The following PEX5L variants were observed in gnomAD, a reference collection of about 807,000 sequenced individuals.
PEX5L encodes peroxisomal biogenesis factor 5 like.
Under a neutral mutation model 84.0 loss-of-function variants are expected in PEX5L, and 30 were observed. The observed-to-expected ratio is 0.36, with a 90% CI of 0.27 to 0.48. The LOEUF is 0.48. Among genes scored for constraint, PEX5L ranks in the 20% least tolerant of loss-of-function variants. The pLI is 0.99. For missense variants in PEX5L, 533 were observed against 754.6 expected, an observed-to-expected ratio of 0.71 and a Z score of 3.44; for synonymous variants, 270 against 283.1, an observed-to-expected ratio of 0.95 and a Z score of 0.46.
intron 4 of PEX5L, among the ~76,000 whole-genome samples, chr3:179,883,525 T>C (rs1754808716): frequency 6.6e-6 from 1 of 152,262 alleles, no homozygotes; most frequent in Non-Finnish European, 1.5e-5. Context: ...GGCTCATGCC[T>C]GTAATCCCAG....
intron 8 of PEX5L, among the ~76,000 whole-genome samples, chr3:179,821,565 C>T (rs1728535680): frequency 6.6e-6 from 1 of 152,174 alleles, no homozygotes; most frequent in Admixed American, 6.5e-5. Flanking sequence ...CTTGCTCTTG[C>T]TTTATTATGT....
intron 2 of PEX5L, among the ~76,000 whole-genome samples, chr3:179,964,428 A>G (rs1014356525): frequency 6.6e-6 from 1 of 152,220 alleles, no homozygotes; most frequent in South Asian, 2.1e-4. Context: ...CGATTGCAAC[A>G]AAAACAAAAG....
At chr3:180,011,762 T>G (rs545178985) in intron 1 of PEX5L, among the ~76,000 whole-genome samples, 168 of 152,300 alleles carry the variant, frequency 1.1e-3, no homozygotes, top group Middle Eastern at 3.4e-3. Flanking sequence ...CTTTCATCCC[T>G]TCCTCCTGCT....
rs1312351818 is a variant in PEX5L at position 179,796,811 on chromosome 3, G to T, written c.*5017C>A. 1 of 152,104 alleles carries T rather than the reference G, an allele frequency of 6.6e-6. No homozygotes were observed. Among genetic ancestry groups the T allele is most frequent in the Non-Finnish European group, 1.5e-5 (1 of 68,018 alleles). 9.4% of individuals were successfully genotyped at this position (152,104 alleles called of 1,614,324 possible). ...CACTCCCTAAATATCAGTGTTTTTA[G>T]ACCTGTTGATCAAGTCCAGTTTCTC... On this transcript the variant is annotated 3_prime_UTR_variant, in exon 15 of 15. Transcript: ENST00000467460.
intron 2 of PEX5L, among the ~76,000 whole-genome samples, chr3:179,912,514 G>A (rs1765535173): frequency 6.6e-6 from 1 of 152,000 alleles, no homozygotes; most frequent in Non-Finnish European, 1.5e-5. Flanking sequence ...TCTTACATAA[G>A]CATATGCTAT....
chr3:179,876,041 A>C (rs1752280088), intron 5 of PEX5L, among the ~76,000 whole-genome samples: 1 of 152,198 alleles, frequency 6.6e-6, no homozygotes, highest in South Asian at 2.1e-4. Context: ...GGGGAGAGAG[A>C]GAAAGGAGGC....
intron 2 of PEX5L, among the ~76,000 whole-genome samples, chr3:179,971,200 TCTCA>T (rs1315946601): frequency 6.6e-6 from 1 of 152,076 alleles, no homozygotes; most frequent in African/African-American, 2.4e-5. Context: ...TCTTTCTCTC[TCTCA>T]ATTATATCCA....
chr3:179,861,583 G>A (rs1364064779), intron 7 of PEX5L, among the ~76,000 whole-genome samples: 1 of 152,200 alleles, frequency 6.6e-6, no homozygotes, highest in African/African-American at 2.4e-5. Flanking sequence ...ACTGTTGGGT[G>A]GGCCAGGCTC....
intron 8 of PEX5L, among the ~76,000 whole-genome samples, chr3:179,826,998 A>G (rs908791950): frequency 1.3e-5 from 2 of 152,230 alleles, no homozygotes; most frequent in Non-Finnish European, 2.9e-5. Flanking sequence ...AAATGCAAAA[A>G]GAGATGAAGT....
At chr3:179,859,007 C>T in intron 8 of PEX5L, 55 bp downstream of exon 8, 1 of 1,135,224 alleles carries the variant, frequency 8.8e-7, no homozygotes, top group African/African-American at 1.5e-5. Context: ...TTTGATTTTT[C>T]AAATGCCACT....
At chr3:179,944,000 T>TCCCC (rs572399419) in intron 2 of PEX5L, among the ~76,000 whole-genome samples, 1 of 147,642 alleles carries the variant, frequency 6.8e-6, no homozygotes, top group African/African-American at 2.5e-5. Context: ...GAATATGCCC[T>TCCCC]CCCCCCCCCA....
chr3:180,024,373 T>TATATATATATATATATAC (rs1396023654), intron 1 of PEX5L, among the ~76,000 whole-genome samples: 15 of 78,972 alleles, frequency 1.9e-4, no homozygotes, highest in African/African-American at 2.9e-4. Flanking sequence ...TATATATATA[T>TATATATATATATATATAC]ACACACACAA....
At chr3:179,889,013 G>A (rs776269340) in intron 3 of PEX5L, among the ~76,000 whole-genome samples, 35 of 152,078 alleles carry the variant, frequency 2.3e-4, no homozygotes, top group Non-Finnish European at 4.7e-4. Context: ...CTGGGCTCAA[G>A]CAATTCTCCC....
chr3:179,863,319 A>G (rs1013711639), intron 7 of PEX5L, among the ~76,000 whole-genome samples: 2 of 151,276 alleles, frequency 1.3e-5, no homozygotes, highest in East Asian at 3.8e-4. Context: ...CATAGGCAAC[A>G]AAAGCAAAAT....
At chr3:179,808,162 C>T in intron 13 of PEX5L, 110 bp downstream of exon 13, 1 of 859,648 alleles carries the variant, frequency 1.2e-6, no homozygotes, top group Non-Finnish European at 1.7e-6. Flanking sequence ...TCACTTTAAA[C>T]CATTGGAGTC....
intron 8 of PEX5L, among the ~76,000 whole-genome samples, chr3:179,853,321 A>C (rs1245156713): frequency 6.6e-6 from 1 of 152,212 alleles, no homozygotes; most frequent in Non-Finnish European, 1.5e-5. Context: ...CAGCACTTAG[A>C]GAGACTAGCT....
chr3:179,809,647 G>T lies in PEX5L; in HGVS notation c.1176C>A (p.Asn392Lys). The T allele has an allele frequency of 1.2e-6, 2 of 1,604,344 alleles. No individual in the cohort carries two copies. The highest frequency in any genetic ancestry group is 8.5e-7 in the Non-Finnish European group (1 of 1,177,014). ...ALQRCLELQPNNLKALMALAV... is the reference protein window; with the variant it reads ...ALQRCLELQPKNLKALMALAV... ...CCAAGGCCATCAAAGCTTTTAAGTT[G>T]TTGGGCTGTAATTCTAAGCACCTGA... The change falls in exon 12 of 15, where the codon AAC becomes AAA. Residue 392 changes from asparagine (N) to lysine (K), a missense_variant. By Grantham distance (94) the Asn-to-Lys change is moderately conservative (BLOSUM62 0). Around this residue, in one of 8 missense-constraint regions of PEX5L, gnomAD observed 32 missense variants for 45.5 expected, o/e 0.70. Transcript: ENST00000467460.
intron 1 of PEX5L, among the ~76,000 whole-genome samples, chr3:180,019,752 A>G (rs985895145): frequency 6.6e-6 from 1 of 152,196 alleles, no homozygotes; most frequent in African/African-American, 2.4e-5. Context: ...GTTTGAGGGT[A>G]TAATTTCCAT....
intron 2 of PEX5L, among the ~76,000 whole-genome samples, chr3:179,953,433 C>T (rs139065219): frequency 6.3e-4 from 96 of 152,032 alleles, no homozygotes; most frequent in East Asian, 4.6e-3. Flanking sequence ...AAAAAGTGGG[C>T]GAAGGATATG....
Sources: allele counts gnomAD v4.1 joint callset (sites outside exome capture counted in the v4.1 genomes callset), GRCh38; gene constraint gnomAD v4.1.1; regional missense constraint gnomAD v4.1.1; transcripts MANE v1.5; gene names NCBI Gene and HGNC (gene_info 2026-07-23, HGNC 2026-07-21).